PROC: variants seen among roughly 807,000 people sequenced by gnomAD.
PROC encodes vitamin K-dependent protein C.
PROC carries 22 observed loss-of-function variants against 36.3 expected under a neutral mutation model. The ratio of observed to expected loss-of-function variants is 0.61; its 90% CI spans 0.43 to 0.86. The LOEUF (loss-of-function observed/expected upper bound fraction) is 0.86. Among genes scored for constraint, PROC ranks in the 40% least tolerant of loss-of-function variants. The probability of loss-of-function intolerance (pLI) is 0.00; values close to 1 mark genes in which losing one functional copy is unlikely to be tolerated. For synonymous variants in PROC, 218 were observed against 244.5 expected (o/e 0.89, Z 1.01); for missense variants, 526 against 629.7 (o/e 0.84, Z 1.76).
intron 8 of PROC, 86 bp downstream of exon 8, chr2:127,427,308 TC>T: frequency 1.7e-6 from 2 of 1,191,446 alleles, no homozygotes; most frequent in Non-Finnish European, 1.2e-6. Context: ...GGGACCCCGC[TC>T]CCCAGGTGCT....
At chr2:127,419,733 C>T in intron 1 of PROC, 189 bp from the exon 2 acceptor site, 13 of 1,356,752 alleles carry the variant, frequency 9.6e-6, no homozygotes, top group Non-Finnish European at 1.3e-5. Flanking sequence ...AGTGTGAGCT[C>T]AGCCCCACGT....
In PROC at chr2:127,418,455, AGGAC is replaced by A. The variant is rs1558709737; in HGVS notation, c.-56_-53del. On this transcript the variant is annotated 5_prime_UTR_variant, in exon 1 of 9. Coordinates refer to ENST00000234071, the MANE Select transcript of PROC (RefSeq NM_000312.4). This position sits in a 1 kb window ranked among gnomAD's most constrained non-coding sequence, Gnocchi z 4.8. The stretch of plus-strand genomic sequence containing the variant: ...TCGAACTCCAGGCTGTCATGGCGGC[AGGAC>A]GGCGAACTTGCAGTATCTCCACGAC... 12 of 1,289,814 alleles carry A rather than the reference AGGAC, an allele frequency of 9.3e-6. No homozygotes were observed. The highest frequency in any genetic ancestry group is 1.2e-5 in the Non-Finnish European group (12 of 988,856). 79.9% of individuals were successfully genotyped at this position (1,289,814 alleles called of 1,614,324 possible).
At position 127,426,341 on chromosome 2, in the gene PROC, T is replaced by G; in HGVS notation, c.678+114T>G. On this transcript the variant is annotated intron_variant, in intron 7 of 8. Coordinates refer to ENST00000234071, the MANE Select transcript of PROC (RefSeq NM_000312.4). This position sits in a 1 kb window ranked among gnomAD's most constrained non-coding sequence, Gnocchi z 7.0. ...GAGAGGGAAGCGCTGCCATTGCGTT[T>G]GGGGGATGATGAAGGTGGGGGATGC... is the stretch of plus-strand genomic sequence containing the variant. The G allele has an allele frequency of 2.2e-6, 3 of 1,384,606 alleles. No individual in the cohort carries two copies. The highest frequency in any genetic ancestry group is 2.7e-5 in the East Asian group (1 of 37,612). 85.8% of individuals were successfully genotyped at this position (1,384,606 alleles called of 1,614,324 possible). A position where few individuals can be genotyped will look rare whatever the true frequency, so the allele number is the denominator to read the frequency against.
Position 127,426,962 on chromosome 2 carries a change from C to G in PROC, c.679-143C>G. 1 of 786,588 alleles carries G rather than the reference C, an allele frequency of 1.3e-6. No individual in the cohort carries two copies. Among genetic ancestry groups the G allele is most frequent in the South Asian group, 1.4e-5 (1 of 72,258 alleles). The allele number at this position is 786,588 out of a possible 1,614,324, so 48.7% of individuals were successfully genotyped here. A position where few individuals can be genotyped will look rare whatever the true frequency, so the allele number is the denominator to read the frequency against. On this transcript the variant is annotated intron_variant, in intron 7 of 8. Transcript: ENST00000234071. The surrounding 1 kb of genome is among the most constrained non-coding windows in gnomAD (Gnocchi z 7.0). ...GGACAGGCTGACACTGTAAAATGGG[C>G]AAAAATAGAAAACGCCAGAAAGGGC...
Position 127,426,103 on chromosome 2 carries a change from G to A in PROC, c.554G>A (p.Arg185Lys). 1 of 1,614,108 alleles carries A rather than the reference G, an allele frequency of 6.2e-7. No individual in the cohort carries two copies. Among genetic ancestry groups the A allele is most frequent in the Non-Finnish European group, 8.5e-7 (1 of 1,180,018 alleles). ...CHPAVKFPCG[R>K]PWKRMEKKRS... ...ACCTCAGTGAAGTTCCCTTGTGGGA[G>A]GCCCTGGAAGCGGATGGAGAAGAAG... is the stretch of plus-strand genomic sequence containing the variant. Residue 185 changes from arginine to lysine, a missense_variant, in exon 7 of 9, where the codon AGG becomes AAG. By Grantham distance (26) the Arg-to-Lys change is conservative (BLOSUM62 2). Coordinates refer to ENST00000234071, the MANE Select transcript of PROC (RefSeq NM_000312.4). The surrounding 1 kb of genome is among the most constrained non-coding windows in gnomAD (Gnocchi z 7.0).
intron 7 of PROC, 66 bp from the exon 8 acceptor site, chr2:127,427,039 C>A: frequency 7.2e-7 from 1 of 1,387,582 alleles, no homozygotes; most frequent in South Asian, 1.2e-5. Flanking sequence ...ATATGAAACC[C>A]AGGTGCCCTG....
Position 127,426,370 on chromosome 2 carries a change from A to T in PROC, c.678+143A>T. 33 of 1,151,700 alleles carry T rather than the reference A, an allele frequency of 2.9e-5. No homozygotes were observed. The highest frequency in any genetic ancestry group is 1.6e-4 in the East Asian group (5 of 31,166). The allele number at this position is 1,151,700 out of a possible 1,614,324, so 71.3% of individuals were successfully genotyped here. On this transcript the variant is annotated intron_variant, in intron 7 of 8. Coordinates refer to ENST00000234071, the MANE Select transcript of PROC (RefSeq NM_000312.4). The surrounding 1 kb of genome is among the most constrained non-coding windows in gnomAD (Gnocchi z 7.0). ...GGATGATGAAGGTGGGGGATGCTTCAGGGAAAGATGGACGCAACCTGAGGG... is the reference window on the plus strand; with the variant it reads ...GGATGATGAAGGTGGGGGATGCTTCTGGGAAAGATGGACGCAACCTGAGGG...
rs774572099 is a variant in PROC at position 127,421,336 on chromosome 2, C to A, written c.124C>A (p.Arg42Ser). ...RAHQVLRIRK[R>S]ANSFLEELRH... Reference sequence around the variant, plus strand: ...CCACCAGGTGCTGCGGATCCGCAAACGTGCCAACTCCTTCCTGGAGGAGCT... The same window carrying A: ...CCACCAGGTGCTGCGGATCCGCAAAAGTGCCAACTCCTTCCTGGAGGAGCT... Residue 42 changes from arginine to serine, a missense_variant, in exon 3 of 9, where the codon CGT becomes AGT. Transcript: ENST00000234071. 6.2e-7 allele frequency: 1 copy of A among 1,613,906 alleles called. No homozygotes were observed. Among genetic ancestry groups the A allele is most frequent in the Admixed American group, 1.7e-5 (1 of 60,024 alleles).
At chr2:127,427,593 C>T (rs1043678521) in intron 8 of PROC, among the ~76,000 whole-genome samples, 1 of 152,170 alleles carries the variant, frequency 6.6e-6, no homozygotes, top group African/African-American at 2.4e-5. Context: ...CTGTGCCTCC[C>T]ACAGACTGAC....
chr2:127,419,805 G>T (rs1292868040), intron 1 of PROC, 117 bp from the exon 2 acceptor site: 43 of 1,564,060 alleles, frequency 2.7e-5, no homozygotes, highest in Non-Finnish European at 3.7e-5. Context: ...CTCAATCCCA[G>T]CTTCCGCCCT....
At chr2:127,423,500 G>A (rs1438259516) in intron 6 of PROC, 92 bp downstream of exon 6, 2 of 1,474,400 alleles carry the variant, frequency 1.4e-6, no homozygotes, top group Non-Finnish European at 1.8e-6. Flanking sequence ...GCTCAGGAGG[G>A]TTTCTAGGGA....
intron 2 of PROC, among the ~76,000 whole-genome samples, chr2:127,420,814 G>C (rs1489514105): frequency 1.3e-5 from 2 of 152,192 alleles, no homozygotes; most frequent in African/African-American, 4.8e-5. Context: ...GGAAGACTGG[G>C]GGGATGTGTC....
intron 8 of PROC, 39 bp from the exon 9 acceptor site, chr2:127,428,318 T>TC (rs1688657448): frequency 1.3e-6 from 2 of 1,599,000 alleles, no homozygotes; most frequent in Non-Finnish European, 1.7e-6. Flanking sequence ...GGGGAGAGGC[T>TC]CCCCGCAGCC....
intron 8 of PROC, among the ~76,000 whole-genome samples, chr2:127,427,657 T>C (rs986326382): frequency 1.2e-4 from 19 of 152,296 alleles, no homozygotes; most frequent in African/African-American, 4.6e-4. Context: ...CACAAGCTGC[T>C]TCCCTAGCAG....
At chr2:127,419,115 C>T (rs1334117329) in intron 1 of PROC, among the ~76,000 whole-genome samples, 1 of 152,180 alleles carries the variant, frequency 6.6e-6, no homozygotes, top group African/African-American at 2.4e-5. Flanking sequence ...TGAGACCCTA[C>T]TCCTGGAGGA....
intron 8 of PROC, among the ~76,000 whole-genome samples, chr2:127,427,613 G>A (rs553888941): frequency 1.3e-5 from 2 of 152,280 alleles, no homozygotes; most frequent in East Asian, 3.9e-4. Context: ...CAGGGATGGA[G>A]CTGTACAGAG....
chr2:127,418,633 C>A lies in PROC; in HGVS notation c.-22+141C>A. 1.4e-6 allele frequency: 1 copy of A among 691,254 alleles called. No homozygotes were observed. Among genetic ancestry groups the A allele is most frequent in the Non-Finnish European group, 2.2e-6 (1 of 461,086 alleles). The allele number at this position is 691,254 out of a possible 1,614,324, so 42.8% of individuals were successfully genotyped here. ...GAGCTTGGGGTGAAAGGACACAAGGCCCTCCACAGGCCAGGCCTGGCAGCC... is the reference window on the plus strand; with the variant it reads ...GAGCTTGGGGTGAAAGGACACAAGGACCTCCACAGGCCAGGCCTGGCAGCC... On this transcript the variant is annotated intron_variant, in intron 1 of 8. Coordinates refer to ENST00000234071, the MANE Select transcript of PROC (RefSeq NM_000312.4). The surrounding 1 kb of genome is among the most constrained non-coding windows in gnomAD (Gnocchi z 4.8).
intron 6 of PROC, 146 bp from the exon 7 acceptor site, chr2:127,425,939 A>T: frequency 1.2e-6 from 1 of 806,340 alleles, no homozygotes; most frequent in Non-Finnish European, 2.1e-6. Context: ...GTTCATAGCT[A>T]ATATTAATGG....
chr2:127,423,637 C>T, intron 6 of PROC: 3 of 596,924 alleles, frequency 5.0e-6, no homozygotes, highest in Admixed American at 8.4e-5. Flanking sequence ...TTCTTCCTGG[C>T]GTCCCCGCCT....
Sources: allele counts gnomAD v4.1 joint callset (sites outside exome capture counted in the v4.1 genomes callset), GRCh38; gene constraint gnomAD v4.1.1; non-coding constraint Gnocchi (gnomAD v3.1); transcripts MANE v1.5; gene names NCBI Gene and HGNC (gene_info 2026-07-23, HGNC 2026-07-21).